RBFOX1: variants seen among roughly 807,000 people sequenced by gnomAD.
The protein encoded by RBFOX1 is RNA binding protein fox-1 homolog 1.
RBFOX1 carries 8 observed loss-of-function variants against 57.7 expected under a neutral mutation model. The ratio of observed to expected loss-of-function variants is 0.14; its 90% CI spans 0.08 to 0.25. The LOEUF is 0.25. Ranked by LOEUF, RBFOX1 falls within the 10% of genes least tolerant of loss-of-function variation. The pLI is 1.00. For synonymous variants in RBFOX1, 326 were observed against 222.4 expected (o/e 1.47, Z -4.15); for missense variants, 611 against 548.5 (o/e 1.11, Z -1.14).
chr16:6,561,843 G>T (rs1267549615), intron 2 of RBFOX1, among the ~76,000 whole-genome samples: 2 of 152,152 alleles, frequency 1.3e-5, no homozygotes, highest in Non-Finnish European at 2.9e-5. Flanking sequence ...TGGCCTTGGA[G>T]GAATCCACAA....
intron 2 of RBFOX1, among the ~76,000 whole-genome samples, chr16:5,566,476 C>T (rs539758375): frequency 4.6e-5 from 7 of 152,026 alleles, no homozygotes; most frequent in Admixed American, 6.6e-5. Context: ...CCCGCTCCCT[C>T]GGGTTGTTAT....
rs149617574 is a variant in RBFOX1, at chr16:5,262,439, C to T, written c.219+22334C>T. ...AAGGTAGAGTCACAGAGAATTTGCT[C>T]TCTTTACCTGATTATATTTGAGCTG... On this transcript the variant is annotated intron_variant, in intron 1 of 2. Transcript: ENST00000585867. Among the ~76,000 whole-genome samples the T allele has an allele frequency of 3.3e-3, 504 of 152,344 alleles. 2 individuals are homozygous for T. Among genetic ancestry groups the T allele is most frequent in the African/African-American group, 0.012 (483 of 41,574 alleles).
At chr16:6,253,429 C>G (rs767010567) in intron 1 of RBFOX1, among the ~76,000 whole-genome samples, 1 of 152,140 alleles carries the variant, frequency 6.6e-6, no homozygotes, top group African/African-American at 2.4e-5. Context: ...CACCATTATC[C>G]TGATGTCTGA....
chr16:7,338,631 A>G (rs2096837333), intron 4 of RBFOX1, among the ~76,000 whole-genome samples: 3 of 152,296 alleles, frequency 2.0e-5, no homozygotes, highest in African/African-American at 7.2e-5. Flanking sequence ...GGTCTCAGAC[A>G]CACACACTGT....
intron 4 of RBFOX1, among the ~76,000 whole-genome samples, chr16:7,114,165 G>C (rs1183790086): frequency 3.3e-5 from 5 of 152,188 alleles, no homozygotes. Context: ...AGAGATCAGA[G>C]TTGGTGTTCA....
chr16:6,839,260 C>T (rs1374026887), intron 3 of RBFOX1, among the ~76,000 whole-genome samples: 1 of 152,136 alleles, frequency 6.6e-6, no homozygotes, highest in African/African-American at 2.4e-5. Flanking sequence ...GCTGGGATTA[C>T]AGGCAAGAGC....
intron 1 of RBFOX1, among the ~76,000 whole-genome samples, chr16:5,456,287 T>A (rs1361024044): frequency 6.6e-6 from 1 of 152,166 alleles, no homozygotes; most frequent in Non-Finnish European, 1.5e-5. Context: ...CCTCAAATGT[T>A]GGATATTTAT....
At chr16:6,962,565 C>T (rs1157953655) in intron 3 of RBFOX1, among the ~76,000 whole-genome samples, 1 of 152,128 alleles carries the variant, frequency 6.6e-6, no homozygotes, top group African/African-American at 2.4e-5. Flanking sequence ...TTCAATTCAA[C>T]CTGTTAACAT....
intron 1 of RBFOX1, among the ~76,000 whole-genome samples, chr16:6,309,540 C>A (rs1473509623): frequency 6.6e-6 from 1 of 152,156 alleles, no homozygotes; most frequent in Non-Finnish European, 1.5e-5. Flanking sequence ...AGGCTCATGC[C>A]AGCCCATAAT....
intron 4 of RBFOX1, among the ~76,000 whole-genome samples, chr16:7,389,370 C>A (rs1171759551): frequency 2.0e-5 from 3 of 152,166 alleles, no homozygotes; most frequent in Non-Finnish European, 4.4e-5. Context: ...AGGTAGTCCT[C>A]CCACCTCAGC....
chr16:6,966,295 C>G (rs2084140061), intron 3 of RBFOX1, among the ~76,000 whole-genome samples: 1 of 152,102 alleles, frequency 6.6e-6, no homozygotes, highest in African/African-American at 2.4e-5. Context: ...CCTGCAGGCA[C>G]TGAGGATAAA....
At chr16:7,699,257 C>G (rs1031253495) in intron 14 of RBFOX1, among the ~76,000 whole-genome samples, 4 of 110,972 alleles carry the variant, frequency 3.6e-5, no homozygotes, top group Non-Finnish European at 8.1e-5. Flanking sequence ...ATAGCCTGAT[C>G]TTAGCTTCCT....
At chr16:6,809,361 G>C (rs2087818659) in intron 3 of RBFOX1, among the ~76,000 whole-genome samples, 2 of 152,078 alleles carry the variant, frequency 1.3e-5, no homozygotes, top group South Asian at 4.1e-4. Flanking sequence ...CTAAGTGCCA[G>C]CCACTGTGCC....
At chr16:7,227,136 C>T (rs1242899489) in intron 4 of RBFOX1, among the ~76,000 whole-genome samples, 2 of 152,082 alleles carry the variant, frequency 1.3e-5, no homozygotes, top group Non-Finnish European at 2.9e-5. Flanking sequence ...TTTGAAAATC[C>T]TGGAGTAATA....
chr16:5,646,470 TG>T (rs1003995628), intron 3 of RBFOX1, among the ~76,000 whole-genome samples: 9 of 152,200 alleles, frequency 5.9e-5, no homozygotes, highest in African/African-American at 2.2e-4. Flanking sequence ...TGTCATCTTG[TG>T]GGCTATCAGT....
chr16:5,730,538 A>G (rs1860224859), intron 3 of RBFOX1, among the ~76,000 whole-genome samples: 1 of 152,152 alleles, frequency 6.6e-6, no homozygotes. Flanking sequence ...GGATAGAATA[A>G]TACTAATAAT....
chr16:7,379,657 A>G (rs1450279032), intron 4 of RBFOX1, among the ~76,000 whole-genome samples: 2 of 152,186 alleles, frequency 1.3e-5, no homozygotes, highest in East Asian at 3.9e-4. Flanking sequence ...GGAGGGTTTT[A>G]GACAGGGTAT....
At chr16:5,475,842 C>T (rs929788037) in intron 2 of RBFOX1, among the ~76,000 whole-genome samples, 1 of 152,052 alleles carries the variant, frequency 6.6e-6, no homozygotes, top group Non-Finnish European at 1.5e-5. Context: ...CTATGTTATC[C>T]AGGCCGAAGT....
At chr16:6,812,696 C>G (rs118126543) in intron 3 of RBFOX1, among the ~76,000 whole-genome samples, 333 of 152,182 alleles carry the variant, frequency 2.2e-3, no homozygotes, top group Non-Finnish European at 3.4e-3. Context: ...TTTTTAATGC[C>G]TAAATGTGGT....
Sources: gnomAD v4.1 joint callset for allele counts (sites outside exome capture counted in the v4.1 genomes callset) on GRCh38, gnomAD v4.1.1 for gene constraint, MANE v1.5 for transcripts, NCBI Gene and HGNC (gene_info 2026-07-23, HGNC 2026-07-21) for gene names.